Variants in SCN2A observed in about 807,000 individuals in gnomAD.
The protein encoded by SCN2A is sodium channel protein type 2 subunit alpha.
SCN2A carries 20 observed loss-of-function variants against 188.7 expected under a neutral mutation model. The ratio of observed to expected loss-of-function variants is 0.11; its 90% CI spans 0.07 to 0.15. The LOEUF (loss-of-function observed/expected upper bound fraction) is 0.15. Among genes scored for constraint, SCN2A ranks in the 10% least tolerant of loss-of-function variants. The pLI, the probability that SCN2A is intolerant of heterozygous loss-of-function variation, is 1.00. For missense variants in SCN2A, 1,278 were observed against 2,445.0 expected (o/e 0.52, Z 10.07); for synonymous variants, 804 against 833.1 (o/e 0.97, Z 0.60).
chr2:165,307,386 C>A (rs1029516332), intron 3 of SCN2A, among the ~76,000 whole-genome samples: 3 of 152,046 alleles, frequency 2.0e-5, no homozygotes, highest in African/African-American at 7.2e-5. Context: ...GTATATTATA[C>A]CCTCTGTTTA....
At chr2:165,366,870 G>A (rs1700758614) in intron 18 of SCN2A, among the ~76,000 whole-genome samples, 3 of 152,102 alleles carry the variant, frequency 2.0e-5, no homozygotes, top group African/African-American at 7.2e-5. Context: ...AATATGTAAA[G>A]TGTCCATATA....
chr2:165,279,946 G>A (rs1409978091), intron 1 of SCN2A, among the ~76,000 whole-genome samples: 3 of 152,088 alleles, frequency 2.0e-5, no homozygotes, highest in African/African-American at 4.8e-5. Context: ...GGGAGTTTCC[G>A]TGCACGAGCC....
At position 165,380,382 on chromosome 2, in the gene SCN2A, T is replaced by G. The variant is rs10207897; in HGVS notation, c.4309-210T>G. Reference sequence around the variant, plus strand: ...AATTGTCTATAATCATTCAGACTTCTATATGGTTATTTCATTTTCCCAGGT... The same window carrying G: ...AATTGTCTATAATCATTCAGACTTCGATATGGTTATTTCATTTTCCCAGGT... On this transcript the variant is annotated intron_variant, in intron 23 of 26. Transcript: ENST00000375437. Among the ~76,000 whole-genome samples the G allele has an allele frequency of 0.04, 6,026 of 151,926 alleles. 388 individuals carry two copies. The highest frequency in any genetic ancestry group is 0.13 in the African/African-American group (5,598 of 41,482).
At chr2:165,295,649 T>G in intron 1 of SCN2A, 124 bp from the exon 2 acceptor site, 8 of 881,394 alleles carry the variant, frequency 9.1e-6, no homozygotes, top group Non-Finnish European at 1.4e-5. Context: ...AAATACAGCT[T>G]TCTTTGAAAA....
At chr2:165,307,711 A>G (rs1239477600) in intron 3 of SCN2A, 137 bp from the exon 4 acceptor site, 2 of 699,532 alleles carry the variant, frequency 2.9e-6, no homozygotes, top group Non-Finnish European at 5.1e-6. Context: ...ATGGCAAAAA[A>G]AAGGGTCAAT....
chr2:165,361,540 T>G (rs1401037323), intron 17 of SCN2A, among the ~76,000 whole-genome samples: 1 of 152,038 alleles, frequency 6.6e-6, no homozygotes, highest in Non-Finnish European at 1.5e-5. Context: ...AAAACTCACA[T>G]TTCCTTCTCT....
At chr2:165,306,741 C>T (rs1697161900) in intron 3 of SCN2A, among the ~76,000 whole-genome samples, 1 of 151,904 alleles carries the variant, frequency 6.6e-6, no homozygotes, top group Non-Finnish European at 1.5e-5. Context: ...CTTTCTAGAT[C>T]AACACAACAT....
At chr2:165,338,983 G>A (rs746812085) in intron 14 of SCN2A, among the ~76,000 whole-genome samples, 2 of 152,188 alleles carry the variant, frequency 1.3e-5, no homozygotes, top group Non-Finnish European at 2.9e-5. Context: ...CACTTTGTGA[G>A]GCTGAGGCAG....
chr2:165,317,927 AAG>A (rs1697850427), intron 11 of SCN2A, among the ~76,000 whole-genome samples: 1 of 152,030 alleles, frequency 6.6e-6, no homozygotes, highest in South Asian at 2.1e-4. Context: ...AAGAAAGAGA[AAG>A]AGAGAGGGGG....
At chr2:165,318,768 C>T (rs540485925) in intron 11 of SCN2A, among the ~76,000 whole-genome samples, 1 of 152,182 alleles carries the variant, frequency 6.6e-6, no homozygotes, top group East Asian at 1.9e-4. Context: ...GTATTGTTTG[C>T]CTTTCTTTTT....
chr2:165,378,879 A>C (rs1385910972), intron 23 of SCN2A, among the ~76,000 whole-genome samples: 1 of 151,878 alleles, frequency 6.6e-6, no homozygotes, highest in African/African-American at 2.4e-5. Flanking sequence ...CATCAGATAA[A>C]TGCAAATTTA....
intron 1 of SCN2A, among the ~76,000 whole-genome samples, chr2:165,284,719 G>A (rs1006770405): frequency 2.0e-5 from 3 of 152,114 alleles, no homozygotes; most frequent in African/African-American, 7.2e-5. Context: ...CCCTCATAAA[G>A]AGAACCATAT....
chr2:165,253,529 T>C (rs575623492), intron 1 of SCN2A, among the ~76,000 whole-genome samples: 12 of 152,234 alleles, frequency 7.9e-5, no homozygotes, highest in African/African-American at 2.6e-4. Context: ...AAATAAGTTT[T>C]ATTGGGACAC....
intron 21 of SCN2A, among the ~76,000 whole-genome samples, chr2:165,373,858 G>A (rs1455106675): frequency 6.6e-6 from 1 of 152,026 alleles, no homozygotes; most frequent in African/African-American, 2.4e-5. Flanking sequence ...AGGAGTTTGT[G>A]CTGACATTTG....
intron 5 of SCN2A, 112 bp downstream of exon 5, chr2:165,308,906 C>G (rs1043817296): frequency 1.0e-5 from 14 of 1,358,840 alleles, no homozygotes; most frequent in Non-Finnish European, 1.4e-5. Context: ...TCTTAGTAAT[C>G]ATAGTTTTCT....
intron 21 of SCN2A, among the ~76,000 whole-genome samples, chr2:165,373,573 T>A (rs1701155864): frequency 6.6e-6 from 1 of 152,154 alleles, no homozygotes; most frequent in South Asian, 2.1e-4. Context: ...TTAGCTAGAT[T>A]TTCACTTCTT....
chr2:165,387,063 T>C, intron 26 of SCN2A, 47 bp downstream of exon 26: 1 of 1,580,120 alleles, frequency 6.3e-7, no homozygotes, highest in East Asian at 2.2e-5. Flanking sequence ...GTGGTAAAAA[T>C]ATGTGTTTTA....
intron 3 of SCN2A, 37 bp downstream of exon 3, chr2:165,297,172 T>C (rs1233583742): frequency 8.1e-7 from 1 of 1,238,394 alleles, no homozygotes. Context: ...TATGATTTTC[T>C]TCTTTGACCA....
intron 1 of SCN2A, among the ~76,000 whole-genome samples, chr2:165,257,121 G>A (rs987416760): frequency 6.6e-6 from 1 of 152,212 alleles, no homozygotes; most frequent in African/African-American, 2.4e-5. Flanking sequence ...TTGCGTTCAA[G>A]GGTAGTGGTA....
Sources: gnomAD v4.1 joint callset for allele counts (sites outside exome capture counted in the v4.1 genomes callset) on GRCh38, gnomAD v4.1.1 for gene constraint, MANE v1.5 for transcripts, NCBI Gene and HGNC (gene_info 2026-07-23, HGNC 2026-07-21) for gene names.